Variants in DYSF observed in about 807,000 individuals in gnomAD.
The protein encoded by DYSF is dystrophy-associated fer-1-like 1.
In DYSF, 212 loss-of-function variants were observed where a neutral mutation model predicts 274.9. The ratio of observed to expected loss-of-function variants is 0.77; its 90% confidence interval spans 0.69 to 0.86. The LOEUF is 0.86. Ranked by LOEUF, DYSF falls within the 40% of genes least tolerant of loss-of-function variation. The probability of loss-of-function intolerance (pLI) is 0.00; values close to 1 mark genes in which losing one functional copy is unlikely to be tolerated. For missense variants in DYSF, 2,666 were observed against 2,783.2 expected (o/e 0.96, Z 0.95); for synonymous variants, 1,091 against 1,078.7 (o/e 1.01, Z -0.22).
chr2:71,560,767 G>A lies in DYSF; in HGVS notation c.2217-985G>A, dbSNP rs1449625214. On this transcript the variant is annotated intron_variant, in intron 22 of 55. Transcript: ENST00000410020. ...ATCAGCCGGGAGCCGGGAGTCAGAC[G>A]CTGCAGGGAGGGGAGGTGGGGGGTG... 2.6e-5 allele frequency among the ~76,000 whole-genome samples: 4 copies of A among 152,128 alleles called. No individual in the cohort carries two copies. In the East Asian group the frequency reaches 7.7e-4, roughly 29 times the overall value.
rs1321487650 is a variant in DYSF, at chr2:71,551,568, CTG to C, written c.1693-37_1693-36del. 4.5e-6 allele frequency: 7 copies of C among 1,555,484 alleles called. No homozygotes were observed. In the African/African-American group the frequency reaches 8.1e-5, roughly 18 times the overall value. The stretch of plus-strand genomic sequence containing the variant: ...GCCCCTTTCCTTCCCCTCCTCCCCT[CTG>C]TCTCCCCTGCTCCTTGTGACCTGAC... On this transcript the variant is annotated intron_variant, in intron 18 of 55. Transcript: ENST00000410020.
chr2:71,589,246 G>A (rs2152841963), intron 30 of DYSF, among the ~76,000 whole-genome samples: 1 of 152,300 alleles, frequency 6.6e-6, no homozygotes, highest in East Asian at 1.9e-4. Context: ...CGATTCCACT[G>A]GACTTGTCCC....
At chr2:71,550,199 C>T (rs1021069567) in intron 17 of DYSF, among the ~76,000 whole-genome samples, 14 of 152,250 alleles carry the variant, frequency 9.2e-5, no homozygotes, top group African/African-American at 3.1e-4. Flanking sequence ...CTTCCCCATT[C>T]CTCTGAAAGG....
chr2:71,560,756 G>A (rs949759469), intron 22 of DYSF, among the ~76,000 whole-genome samples: 2 of 152,168 alleles, frequency 1.3e-5, no homozygotes, highest in African/African-American at 4.8e-5. Context: ...GCCGGGAGCC[G>A]GGAGTCAGAC....
Position 71,543,421 on chromosome 2 carries a change from C to T in DYSF, c.1576+4182C>T, listed in dbSNP as rs1239656309. Among the ~76,000 whole-genome samples the T allele has an allele frequency of 6.7e-3, 1,008 of 150,392 alleles. 8 individuals carry two copies. The highest frequency in any genetic ancestry group is 0.023 in the African/African-American group (952 of 40,564). On this transcript the variant is annotated intron_variant, in intron 17 of 55. Coordinates refer to ENST00000410020, the MANE Select transcript of DYSF (RefSeq NM_001130987.2). ...GGCTCCTCACATCCCAGACGATGGG[C>T]GGCCAGGCAGAGACGCTCCTCACTT...
At chr2:71,671,109 T>A (rs1212356883) in intron 51 of DYSF, among the ~76,000 whole-genome samples, 1 of 152,170 alleles carries the variant, frequency 6.6e-6, no homozygotes, top group African/African-American at 2.4e-5. Context: ...ACATGCAGGA[T>A]CATCTGCACA....
chr2:71,481,015 G>C (rs1320308376), intron 2 of DYSF, 77 bp downstream of exon 2: 1 of 1,429,738 alleles, frequency 7.0e-7, no homozygotes, highest in African/African-American at 1.4e-5. Flanking sequence ...GGGGCTTGTG[G>C]AGGAGGTGCC....
intron 53 of DYSF, among the ~76,000 whole-genome samples, chr2:71,680,438 C>T (rs945428927): frequency 2.0e-5 from 3 of 152,106 alleles, no homozygotes; most frequent in Non-Finnish European, 2.9e-5. Flanking sequence ...TTTATGCCCT[C>T]GGACTCTGTC....
At chr2:71,669,908 C>G (rs2095089173) in intron 51 of DYSF, among the ~76,000 whole-genome samples, 162 bp downstream of exon 51, 1 of 152,160 alleles carries the variant, frequency 6.6e-6, no homozygotes, top group African/African-American at 2.4e-5. Flanking sequence ...CTCCACTGTC[C>G]CAGCACTGCC....
chr2:71,560,484 G>A (rs1027701679), intron 22 of DYSF, among the ~76,000 whole-genome samples: 11 of 112,416 alleles, frequency 9.8e-5, no homozygotes, highest in Non-Finnish European at 1.8e-4. Flanking sequence ...CAGCCCATCC[G>A]CGGCACCCTC....
chr2:71,580,013 C>T (rs530642128), intron 30 of DYSF, among the ~76,000 whole-genome samples: 5 of 152,374 alleles, frequency 3.3e-5, no homozygotes, highest in Non-Finnish European at 7.3e-5. Flanking sequence ...CTGCCCCTCT[C>T]TCCAGGTGTC....
intron 44 of DYSF, among the ~76,000 whole-genome samples, chr2:71,660,030 G>A (rs2094848984): frequency 6.6e-6 from 1 of 152,234 alleles, no homozygotes; most frequent in Admixed American, 6.5e-5. Context: ...TGTGGTCATG[G>A]CCAGTGGGTT....
At chr2:71,567,758 G>C (rs971044697) in intron 24 of DYSF, among the ~76,000 whole-genome samples, 193 bp from the exon 25 acceptor site, 13 of 152,116 alleles carry the variant, frequency 8.5e-5, no homozygotes, top group Non-Finnish European at 1.5e-4. Flanking sequence ...GAGGGGTAGG[G>C]GGTGGGGTGG....
intron 17 of DYSF, among the ~76,000 whole-genome samples, chr2:71,546,929 G>A (rs1345118890): frequency 6.6e-6 from 1 of 152,230 alleles, no homozygotes; most frequent in Admixed American, 6.5e-5. Flanking sequence ...GCAGGGCTGG[G>A]ACTTGTGGCT....
chr2:71,668,882 G>T (rs768310007), intron 49 of DYSF, 40 bp downstream of exon 49: 16 of 1,597,674 alleles, frequency 1.0e-5, no homozygotes, highest in Non-Finnish European at 1.3e-5. Context: ...GGGCTGAGGG[G>T]TGGGGGCGTT....
intron 17 of DYSF, among the ~76,000 whole-genome samples, chr2:71,546,519 C>T (rs1219489205): frequency 1.3e-5 from 2 of 152,206 alleles, no homozygotes; most frequent in Non-Finnish European, 2.9e-5. Context: ...GTTCCTTGGA[C>T]CCTGTGCTCT....
At chr2:71,632,609 A>T (rs565446231) in intron 41 of DYSF, among the ~76,000 whole-genome samples, 1 of 152,188 alleles carries the variant, frequency 6.6e-6, no homozygotes, top group Non-Finnish European at 1.5e-5. Context: ...CCCAGGCCCT[A>T]TTGGAATTGT....
chr2:71,569,785 G>C (rs781142321), intron 26 of DYSF, 35 bp from the exon 27 acceptor site: 4 of 1,566,834 alleles, frequency 2.6e-6, no homozygotes, highest in South Asian at 1.1e-5. Flanking sequence ...CTCTCCAGCA[G>C]AGCAGCAGAG....
intron 1 of DYSF, among the ~76,000 whole-genome samples, chr2:71,469,653 T>C (rs1252576619): frequency 6.6e-6 from 1 of 152,198 alleles, no homozygotes; most frequent in Non-Finnish European, 1.5e-5. Context: ...CTATGAGCTC[T>C]GGGAGGCTGG....
Sources: allele counts gnomAD v4.1 joint callset (sites outside exome capture counted in the v4.1 genomes callset), GRCh38; gene constraint gnomAD v4.1.1; transcripts MANE v1.5; gene names NCBI Gene and HGNC (gene_info 2026-07-23, HGNC 2026-07-21).